ZFAND4: variants seen among roughly 807,000 people sequenced by gnomAD.
The protein encoded by ZFAND4 is AN1-type zinc finger protein 4.
Under a neutral mutation model 64.4 loss-of-function variants are expected in ZFAND4, and 43 were observed. The observed-to-expected ratio is 0.67, with a 90% CI of 0.52 to 0.86. The LOEUF (loss-of-function observed/expected upper bound fraction) is 0.86. Ranked by LOEUF, ZFAND4 falls within the 40% of genes least tolerant of loss-of-function variation. The pLI, the probability that ZFAND4 is intolerant of heterozygous loss-of-function variation, is 0.00. For synonymous variants in ZFAND4, 296 were observed against 305.7 expected (o/e 0.97, Z 0.33); for missense variants, 929 against 859.8 (o/e 1.08, Z -1.01).
intron 2 of ZFAND4, among the ~76,000 whole-genome samples, chr10:45,661,367 C>T (rs1341528697): frequency 6.6e-6 from 1 of 152,108 alleles, no homozygotes; most frequent in Non-Finnish European, 1.5e-5. Flanking sequence ...GCTGCAGCCT[C>T]CTTGTTCCTA....
At chr10:45,667,712 A>G (rs1190709656) in intron 1 of ZFAND4, among the ~76,000 whole-genome samples, 1 of 151,840 alleles carries the variant, frequency 6.6e-6, no homozygotes, top group Non-Finnish European at 1.5e-5. Context: ...CAGGTGACCC[A>G]CCCACCCTGG....
intron 4 of ZFAND4, 106 bp from the exon 5 acceptor site, chr10:45,648,640 T>C (rs945653052): frequency 1.6e-6 from 2 of 1,225,840 alleles, no homozygotes; most frequent in East Asian, 2.6e-5. Context: ...GTCCTGTGCA[T>C]ATAATATAAA....
At chr10:45,627,182 ATG>A in intron 6 of ZFAND4, 77 bp from the exon 7 acceptor site, 1 of 1,205,948 alleles carries the variant, frequency 8.3e-7, no homozygotes, top group Admixed American at 3.0e-5. Context: ...AAGGAAGAAA[ATG>A]TTACTTACCA....
Position 45,625,102 on chromosome 10 carries a change from T to C in ZFAND4, c.1873-465A>G, listed in dbSNP as rs188400271. On this transcript the variant is annotated intron_variant, in intron 7 of 9. Transcript: ENST00000344646. ...TGAGGCGGGAGGATTGCTTGAGCCC[T>C]GGAGGTCAAGGCTGCAGTGAACCAT... Among the ~76,000 whole-genome samples the C allele has an allele frequency of 5.4e-4, 79 of 145,914 alleles. 1 individual carries two copies. In the East Asian group the frequency reaches 0.014, roughly 25 times the overall value.
chr10:45,652,872 G>C, intron 3 of ZFAND4, 112 bp downstream of exon 3: 1 of 753,962 alleles, frequency 1.3e-6, no homozygotes, highest in Non-Finnish European at 2.2e-6. Context: ...CTAGGAATGT[G>C]AACTATTCAG....
chr10:45,658,076 C>T (rs1376673086), intron 2 of ZFAND4, among the ~76,000 whole-genome samples: 1 of 152,152 alleles, frequency 6.6e-6, no homozygotes, highest in Non-Finnish European at 1.5e-5. Context: ...TATACTGTGT[C>T]CCTTCAAAAT....
chr10:45,663,630 A>C lies in ZFAND4; in HGVS notation c.96T>G (p.Ile32Met). 1 of 1,611,744 alleles carries C rather than the reference A, an allele frequency of 6.2e-7. No homozygotes were observed. The highest frequency in any genetic ancestry group is 8.5e-7 in the Non-Finnish European group (1 of 1,179,340). Residue 32 changes from isoleucine to methionine, a missense_variant, in exon 2 of 10, where the codon ATT becomes ATG. Transcript: ENST00000344646. ...LHFCDTMELFIETLTGTCFEL... is the reference protein window; with the variant it reads ...LHFCDTMELFMETLTGTCFEL... Reference sequence around the variant, plus strand: ...CAAAACATGTTCCAGTTAATGTTTCAATGAAGAGCTCCATGGTATCACAGA... The same window carrying C: ...CAAAACATGTTCCAGTTAATGTTTCCATGAAGAGCTCCATGGTATCACAGA...
intron 6 of ZFAND4, among the ~76,000 whole-genome samples, chr10:45,629,041 C>A (rs1389648145): frequency 6.6e-6 from 1 of 151,600 alleles, no homozygotes; most frequent in East Asian, 1.9e-4. Flanking sequence ...GGATATCAAA[C>A]ACAGGCTACC....
intron 5 of ZFAND4, 82 bp from the exon 6 acceptor site, chr10:45,640,045 A>G (rs1451130891): frequency 4.8e-6 from 7 of 1,444,318 alleles, no homozygotes; most frequent in Non-Finnish European, 6.4e-6. Flanking sequence ...ACAGCAATCT[A>G]TAGAAGTTAC....
At chr10:45,640,085 A>G (rs1004185897) in intron 5 of ZFAND4, 122 bp from the exon 6 acceptor site, 2 of 1,327,842 alleles carry the variant, frequency 1.5e-6, no homozygotes, top group Middle Eastern at 2.8e-4. Flanking sequence ...CCATTTTGTC[A>G]ATGTTAATGT....
chr10:45,653,436 C>G (rs1408152144), intron 2 of ZFAND4, among the ~76,000 whole-genome samples: 1 of 152,128 alleles, frequency 6.6e-6, no homozygotes, highest in Non-Finnish European at 1.5e-5. Flanking sequence ...TGACAAAGAT[C>G]TAATATCTAC....
At chr10:45,667,469 T>A (rs1422579686) in intron 1 of ZFAND4, among the ~76,000 whole-genome samples, 1 of 138,932 alleles carries the variant, frequency 7.2e-6, no homozygotes, top group Non-Finnish European at 1.6e-5. Flanking sequence ...TTTTTTTTTT[T>A]TTTTTTTTTT....
chr10:45,635,799 G>A (rs147937456), intron 6 of ZFAND4, among the ~76,000 whole-genome samples: 150 of 152,204 alleles, frequency 9.9e-4, no homozygotes, highest in African/African-American at 3.4e-3. Context: ...TCTGGAGATT[G>A]GTTGCACAAC....
rs139870357 is a variant in ZFAND4, at chr10:45,659,664, G to C, written c.184+3878C>G. On this transcript the variant is annotated intron_variant, in intron 2 of 9. Transcript: ENST00000344646. ...TAGACTCAGGTATGTCAGAGATCTTGAAATTATCAGACAGGGAAATTAAAA... is the reference window on the plus strand; with the variant it reads ...TAGACTCAGGTATGTCAGAGATCTTCAAATTATCAGACAGGGAAATTAAAA... Among the ~76,000 whole-genome samples the C allele has an allele frequency of 2.9e-4, 44 of 152,224 alleles. No homozygotes were observed. In the East Asian group the frequency reaches 7.9e-3, roughly 27 times the overall value.
At chr10:45,634,903 A>C (rs957906599) in intron 6 of ZFAND4, among the ~76,000 whole-genome samples, 3 of 152,248 alleles carry the variant, frequency 2.0e-5, no homozygotes, top group African/African-American at 7.2e-5. Context: ...CATTTACAAT[A>C]GCTACAAATA....
chr10:45,656,209 C>A (rs2048090607), intron 2 of ZFAND4, among the ~76,000 whole-genome samples: 1 of 150,570 alleles, frequency 6.6e-6, no homozygotes. Context: ...CCAGCCTTGA[C>A]AGAGCAAGAC....
intron 2 of ZFAND4, among the ~76,000 whole-genome samples, chr10:45,660,705 G>A (rs957327381): frequency 6.6e-6 from 1 of 152,060 alleles, no homozygotes; most frequent in African/African-American, 2.4e-5. Context: ...GAGAAGCAAA[G>A]ATAATTACTA....
At chr10:45,617,456 G>A (rs921154812) in intron 9 of ZFAND4, among the ~76,000 whole-genome samples, 5 of 151,764 alleles carry the variant, frequency 3.3e-5, no homozygotes, top group African/African-American at 1.2e-4. Flanking sequence ...AGTGAGATCT[G>A]TCTCTACAAA....
At chr10:45,668,285 C>G (rs1420424356) in intron 1 of ZFAND4, among the ~76,000 whole-genome samples, 1 of 152,168 alleles carries the variant, frequency 6.6e-6, no homozygotes, top group Non-Finnish European at 1.5e-5. Context: ...CCAAACTAAG[C>G]TTCGTAAGTG....
Sources: allele counts gnomAD v4.1 joint callset (sites outside exome capture counted in the v4.1 genomes callset), GRCh38; gene constraint gnomAD v4.1.1; transcripts MANE v1.5; gene names NCBI Gene and HGNC (gene_info 2026-07-23, HGNC 2026-07-21).